SGK3: variants seen among roughly 807,000 people sequenced by gnomAD.
The protein encoded by SGK3 is serine/threonine-protein kinase Sgk3.
Under a neutral mutation model 68.5 loss-of-function variants are expected in SGK3, and 47 were observed. The ratio of observed to expected loss-of-function variants is 0.69; its 90% CI spans 0.54 to 0.87. The LOEUF is 0.87. Ranked by LOEUF, SGK3 falls within the 40% of genes least tolerant of loss-of-function variation. The pLI, the probability that SGK3 is intolerant of heterozygous loss-of-function variation, is 0.00. For missense variants in SGK3, 479 were observed against 575.5 expected (o/e 0.83, Z 1.72); for synonymous variants, 181 against 189.1 (o/e 0.96, Z 0.35).
chr8:66,768,034 T>G, intron 1 of SGK3: 1 of 676,654 alleles, frequency 1.5e-6, no homozygotes. Flanking sequence ...TCAACCAGAT[T>G]TAAGTATATA....
intron 3 of SGK3, among the ~76,000 whole-genome samples, chr8:66,800,789 A>T (rs1807911667): frequency 6.6e-6 from 1 of 152,210 alleles, no homozygotes; most frequent in African/African-American, 2.4e-5. Context: ...CCTATGTAAA[A>T]TTAATAGGGA....
intron 1 of SGK3, among the ~76,000 whole-genome samples, chr8:66,763,229 T>G (rs896801941): frequency 2.6e-5 from 4 of 152,254 alleles, no homozygotes; most frequent in African/African-American, 9.6e-5. Flanking sequence ...AGTTAGTTCC[T>G]TATGGTTATC....
intron 1 of SGK3, among the ~76,000 whole-genome samples, chr8:66,751,742 TTTTATTTATTTATTTA>T (rs61222034): frequency 1.4e-5 from 2 of 147,786 alleles, no homozygotes; most frequent in Non-Finnish European, 3.0e-5. Context: ...AAATCATTCA[TTTTATTTATTTATTTA>T]TTTATTTATT....
intron 2 of SGK3, among the ~76,000 whole-genome samples, chr8:66,794,414 C>T (rs1233639909): frequency 6.6e-6 from 1 of 151,178 alleles, no homozygotes. Context: ...CTGAAACATA[C>T]AATATTGTAT....
chr8:66,817,752 A>AGGGTTTT (rs1161681637), intron 5 of SGK3, among the ~76,000 whole-genome samples: 11 of 152,220 alleles, frequency 7.2e-5, no homozygotes, highest in African/African-American at 2.7e-4. Flanking sequence ...TGGATGAAAA[A>AGGGTTTT]GGGTTTTCTG....
rs115381329 is a variant in SGK3, at chr8:66,807,675, T to A, written c.253+3228T>A. Among the ~76,000 whole-genome samples, 134 of 152,300 alleles carry A rather than the reference T, an allele frequency of 8.8e-4. 1 individual carries two copies. Among genetic ancestry groups the A allele is most frequent in the African/African-American group, 3.2e-3 (131 of 41,562 alleles). Reference sequence around the variant, plus strand: ...TTGGGGATACAGGCATTCCCATATTTTTCTGGTGGAATAAAAAGTGTTACA... The same window carrying A: ...TTGGGGATACAGGCATTCCCATATTATTCTGGTGGAATAAAAAGTGTTACA... On this transcript the variant is annotated intron_variant, in intron 4 of 16. Coordinates refer to ENST00000521198, the MANE Select transcript of SGK3 (RefSeq NM_001033578.3).
chr8:66,813,459 C>T (rs972910221), intron 4 of SGK3, among the ~76,000 whole-genome samples: 9 of 151,620 alleles, frequency 5.9e-5, no homozygotes, highest in East Asian at 1.9e-4. Flanking sequence ...TTTAAATTAC[C>T]GTGATTTTCA....
At chr8:66,759,649 TTTTGTTTG>T (rs113675222) in intron 1 of SGK3, among the ~76,000 whole-genome samples, 595 of 151,608 alleles carry the variant, frequency 3.9e-3, no homozygotes, top group East Asian at 0.012. Context: ...CCAGGATGGT[TTTTGTTTG>T]TTTGTTTGTT....
At chr8:66,751,026 G>T (rs552039786) in intron 1 of SGK3, among the ~76,000 whole-genome samples, 2 of 151,590 alleles carry the variant, frequency 1.3e-5, no homozygotes, top group Non-Finnish European at 2.9e-5. Context: ...AAGGCCAGGC[G>T]CGGTGGCTTA....
intron 1 of SGK3, among the ~76,000 whole-genome samples, chr8:66,714,588 G>A (rs548576718): frequency 5.3e-5 from 8 of 152,220 alleles, no homozygotes; most frequent in African/African-American, 1.2e-4. Context: ...ATAGGATTAT[G>A]AAGTGTCTCT....
intron 1 of SGK3, among the ~76,000 whole-genome samples, chr8:66,784,489 TCAATATCAAA>T (rs1443986193): frequency 6.6e-6 from 1 of 152,170 alleles, no homozygotes; most frequent in Non-Finnish European, 1.5e-5. Flanking sequence ...GGTCCTCTAG[TCAATATCAAA>T]CAATCTTTAT....
intron 1 of SGK3, among the ~76,000 whole-genome samples, chr8:66,779,448 T>A (rs1806859888): frequency 1.3e-5 from 2 of 150,956 alleles, no homozygotes; most frequent in South Asian, 4.2e-4. Flanking sequence ...TGTTTTTGAT[T>A]TTAGGTGCTT....
At position 66,782,022 on chromosome 8, in the gene SGK3, T is replaced by G. The variant is rs140673826; in HGVS notation, c.-121-11594T>G. 2.9e-3 allele frequency among the ~76,000 whole-genome samples: 442 copies of G among 152,366 alleles called. 3 individuals carry two copies. The highest frequency in any genetic ancestry group is 0.01 in the African/African-American group (430 of 41,590). ...TTTAAAATCTGTTCTGCAGTGAATT[T>G]AATTTACAGATGTGACAAAGATGTC... On this transcript the variant is annotated intron_variant, in intron 1 of 16. Coordinates refer to ENST00000521198, the MANE Select transcript of SGK3 (RefSeq NM_001033578.3).
intron 1 of SGK3, among the ~76,000 whole-genome samples, chr8:66,775,859 G>A (rs758269585): frequency 1.6e-4 from 25 of 151,846 alleles, no homozygotes; most frequent in Non-Finnish European, 2.9e-5. Context: ...CTAAAATCAT[G>A]GTTTTGAATC....
chr8:66,831,625 C>T (rs1184711199), intron 8 of SGK3, among the ~76,000 whole-genome samples: 2 of 152,198 alleles, frequency 1.3e-5, no homozygotes, highest in Non-Finnish European at 2.9e-5. Flanking sequence ...AGATGTGAGT[C>T]ACCATCCCCA....
At chr8:66,839,758 A>C (rs1365172147) in intron 10 of SGK3, 1 of 404,374 alleles carries the variant, frequency 2.5e-6, no homozygotes, top group Non-Finnish European at 4.4e-6. Context: ...TTAAGTAGTA[A>C]ATGGGAGATG....
intron 1 of SGK3, among the ~76,000 whole-genome samples, chr8:66,747,213 G>T (rs1410615066): frequency 6.6e-6 from 1 of 152,094 alleles, no homozygotes; most frequent in Non-Finnish European, 1.5e-5. Context: ...TCTGAAAGTT[G>T]TTCTCATGGT....
At chr8:66,808,170 G>A (rs1025943314) in intron 4 of SGK3, among the ~76,000 whole-genome samples, 4 of 152,086 alleles carry the variant, frequency 2.6e-5, no homozygotes, top group Admixed American at 6.5e-5. Flanking sequence ...AATGAATTTT[G>A]TTCATACCTT....
chr8:66,733,359 A>G (rs1355855332), intron 1 of SGK3, among the ~76,000 whole-genome samples: 1 of 152,160 alleles, frequency 6.6e-6, no homozygotes, highest in Non-Finnish European at 1.5e-5. Context: ...TATTATTGTA[A>G]TTGAATTATC....
Sources: gnomAD v4.1 joint callset for allele counts (sites outside exome capture counted in the v4.1 genomes callset) on GRCh38, gnomAD v4.1.1 for gene constraint, MANE v1.5 for transcripts, NCBI Gene and HGNC (gene_info 2026-07-23, HGNC 2026-07-21) for gene names.